PDZRN4: variants seen among roughly 807,000 people sequenced by gnomAD.
The protein encoded by PDZRN4 is PDZ domain containing ring finger 4.
Under a neutral mutation model 99.0 loss-of-function variants are expected in PDZRN4, and 70 were observed. That is an observed-to-expected ratio of 0.71 (90% CI 0.58 to 0.86). The LOEUF (loss-of-function observed/expected upper bound fraction) is 0.86. PDZRN4 is among the 40% of genes least tolerant of loss of function. PDZRN4 has a pLI of 0.00. For synonymous variants in PDZRN4, 551 were observed against 501.6 expected (o/e 1.10, Z -1.32); for missense variants, 1,474 against 1,331.2 (o/e 1.11, Z -1.67).
At chr12:41,509,775 T>C in intron 4 of PDZRN4, 36 bp from the exon 5 acceptor site, 1 of 958,788 alleles carries the variant, frequency 1.0e-6, no homozygotes, top group Non-Finnish European at 1.6e-6. Context: ...ACAACCCATT[T>C]AATCTATTCC....
intron 3 of PDZRN4, among the ~76,000 whole-genome samples, chr12:41,481,599 A>G (rs1042804283): frequency 2.0e-5 from 3 of 152,098 alleles, no homozygotes; most frequent in Non-Finnish European, 4.4e-5. Context: ...TCCATTTGAA[A>G]ACATGTTCCT....
At chr12:41,500,822 C>T (rs1271372211) in intron 3 of PDZRN4, among the ~76,000 whole-genome samples, 1 of 152,072 alleles carries the variant, frequency 6.6e-6, no homozygotes, top group Non-Finnish European at 1.5e-5. Flanking sequence ...ATATAGGGTT[C>T]AGATTATCTG....
intron 3 of PDZRN4, among the ~76,000 whole-genome samples, chr12:41,498,018 T>C (rs987447211): frequency 5.3e-5 from 8 of 152,000 alleles, no homozygotes; most frequent in African/African-American, 1.9e-4. Context: ...ATTATGAGAA[T>C]AAAAAATAAT....
In PDZRN4 at chr12:41,370,552, C is replaced by G. The variant is rs542418764; in HGVS notation, c.844-135904C>G. Among the ~76,000 whole-genome samples the G allele has an allele frequency of 4.6e-5, 7 of 151,892 alleles. No homozygotes were observed. The South Asian group carries it at 1.5e-3, about 31-fold the overall frequency. On this transcript the variant is annotated intron_variant, in intron 3 of 9. Transcript: ENST00000402685. The stretch of plus-strand genomic sequence containing the variant: ...CAGCACTATGTCTAGAGTGTGATTT[C>G]TTTTTGCTTATCTGCTCAGGGCTTG...
chr12:41,348,507 T>C (rs1354602984), intron 3 of PDZRN4, among the ~76,000 whole-genome samples: 1 of 152,040 alleles, frequency 6.6e-6, no homozygotes, highest in African/African-American at 2.4e-5. Context: ...CAGTAAAAGT[T>C]AAAAAAATAA....
intron 3 of PDZRN4, among the ~76,000 whole-genome samples, chr12:41,502,212 A>G (rs748206545): frequency 6.6e-6 from 1 of 152,116 alleles, no homozygotes; most frequent in African/African-American, 2.4e-5. Flanking sequence ...TCGAATATCA[A>G]TGGCACAAAC....
chr12:41,510,456 A>G (rs1324217634), intron 5 of PDZRN4, among the ~76,000 whole-genome samples: 1 of 152,158 alleles, frequency 6.6e-6, no homozygotes, highest in African/African-American at 2.4e-5. Flanking sequence ...ATGTCAGAAT[A>G]TCTGTACTGT....
chr12:41,508,305 A>G (rs1330404257), intron 4 of PDZRN4, among the ~76,000 whole-genome samples: 5 of 152,116 alleles, frequency 3.3e-5, no homozygotes, highest in Admixed American at 2.0e-4. Context: ...GCTTAGAGAC[A>G]ACCTCCTCTA....
chr12:41,382,909 T>C (rs1952137503), intron 3 of PDZRN4, among the ~76,000 whole-genome samples: 1 of 152,222 alleles, frequency 6.6e-6, no homozygotes, highest in African/African-American at 2.4e-5. Flanking sequence ...CTGGTCTTTT[T>C]TTGCCAGTTT....
chr12:41,271,653 T>A (rs1951314993), intron 3 of PDZRN4, among the ~76,000 whole-genome samples: 1 of 152,088 alleles, frequency 6.6e-6, no homozygotes, highest in South Asian at 2.1e-4. Context: ...GATCACATTT[T>A]TCACACAACA....
chr12:41,237,259 A>G (rs1249048553), intron 3 of PDZRN4, among the ~76,000 whole-genome samples: 1 of 152,144 alleles, frequency 6.6e-6, no homozygotes, highest in African/African-American at 2.4e-5. Context: ...TAAAGTAATT[A>G]TTTCATAATA....
intron 3 of PDZRN4, among the ~76,000 whole-genome samples, chr12:41,334,105 ACC>A (rs1317482481): frequency 6.6e-6 from 1 of 152,032 alleles, no homozygotes; most frequent in African/African-American, 2.4e-5. Flanking sequence ...GGCAAAGGCC[ACC>A]CTTCTCTCTG....
At chr12:41,430,207 C>T (rs1436416258) in intron 3 of PDZRN4, among the ~76,000 whole-genome samples, 8 of 152,180 alleles carry the variant, frequency 5.3e-5, no homozygotes, top group Non-Finnish European at 1.0e-4. Context: ...CGGTGGCTCA[C>T]GCCTGTAATC....
At chr12:41,541,590 A>T (rs1938857559) in intron 5 of PDZRN4, among the ~76,000 whole-genome samples, 1 of 151,696 alleles carries the variant, frequency 6.6e-6, no homozygotes, top group Non-Finnish European at 1.5e-5. Flanking sequence ...AGTAGCTGGG[A>T]CTACAGGCAC....
chr12:41,499,510 C>T (rs1207555728), intron 3 of PDZRN4, among the ~76,000 whole-genome samples: 1 of 151,830 alleles, frequency 6.6e-6, no homozygotes, highest in Non-Finnish European at 1.5e-5. Context: ...GTGTTAAATG[C>T]TTTGATGGGA....
chr12:41,539,275 G>A (rs920890611), intron 5 of PDZRN4, among the ~76,000 whole-genome samples: 32 of 151,752 alleles, frequency 2.1e-4, no homozygotes, highest in African/African-American at 7.3e-4. Context: ...AGTTTTTTGG[G>A]AAAAAGAGGT....
At chr12:41,200,474 A>G (rs1045441386) in intron 3 of PDZRN4, among the ~76,000 whole-genome samples, 2 of 152,120 alleles carry the variant, frequency 1.3e-5, no homozygotes, top group Non-Finnish European at 2.9e-5. Flanking sequence ...TCCATTTTAA[A>G]TTTCTAAGAC....
intron 3 of PDZRN4, among the ~76,000 whole-genome samples, chr12:41,422,259 T>C (rs1952496093): frequency 6.6e-6 from 1 of 152,178 alleles, no homozygotes; most frequent in Non-Finnish European, 1.5e-5. Context: ...TACTAACTAA[T>C]ATTAGAAGAG....
intron 3 of PDZRN4, chr12:41,411,937 G>C (rs1317407956): frequency 6.6e-6 from 1 of 152,132 alleles, no homozygotes; most frequent in Non-Finnish European, 1.5e-5. Context: ...GCCAAGTCTG[G>C]TCTAGTCAAG....
Sources: allele counts gnomAD v4.1 joint callset (sites outside exome capture counted in the v4.1 genomes callset), GRCh38; gene constraint gnomAD v4.1.1; transcripts MANE v1.5; gene names NCBI Gene and HGNC (gene_info 2026-07-23, HGNC 2026-07-21).